The following AK3 variants were observed in gnomAD, a reference collection of about 807,000 sequenced individuals.
AK3 encodes the protein GTP:AMP phosphotransferase AK3, mitochondrial.
In AK3, 27 loss-of-function variants were observed where a neutral mutation model predicts 23.7. That is an observed-to-expected ratio of 1.14 (90% CI 0.84 to 1.57). The LOEUF is 1.57. Among genes scored for constraint, AK3 ranks in the 40% most tolerant of loss-of-function variants. The pLI, the probability that AK3 is intolerant of heterozygous loss-of-function variation, is 0.00. For missense variants in AK3, 406 were observed against 285.6 expected, an observed-to-expected ratio of 1.42 and a Z score of -3.04; for synonymous variants, 159 against 116.0, an observed-to-expected ratio of 1.37 and a Z score of -2.38.
intron 1 of AK3, among the ~76,000 whole-genome samples, chr9:4,730,513 G>A (rs1237983516): frequency 3.3e-5 from 5 of 152,144 alleles, no homozygotes; most frequent in African/African-American, 1.2e-4. Context: ...TGAGGTGGGA[G>A]GATTGCTTGA....
At chr9:4,728,918 CATAT>C (rs1209335535) in intron 1 of AK3, among the ~76,000 whole-genome samples, 2 of 143,994 alleles carry the variant, frequency 1.4e-5, no homozygotes, top group Non-Finnish European at 3.0e-5. Flanking sequence ...TATATACATA[CATAT>C]AAATATATAC....
intron 1 of AK3, among the ~76,000 whole-genome samples, chr9:4,729,640 C>T (rs1427942041): frequency 3.3e-5 from 5 of 151,960 alleles, no homozygotes; most frequent in Non-Finnish European, 7.4e-5. Context: ...TCCTGACCAG[C>T]CTGGGCAACA....
At chr9:4,736,270 C>A (rs1457336215) in intron 1 of AK3, among the ~76,000 whole-genome samples, 2 of 151,854 alleles carry the variant, frequency 1.3e-5, no homozygotes, top group Non-Finnish European at 2.9e-5. Flanking sequence ...ATGGGGCACT[C>A]CATATGCAAA....
chr9:4,720,703 T>G lies in AK3; in HGVS notation c.272-1396A>C, dbSNP rs1587642905. ...GACACTGTCTCCAAAAAAAAAAAAGTGACAAAGGTTAAAACCGCACATGCA... is the reference window on the plus strand; with the variant it reads ...GACACTGTCTCCAAAAAAAAAAAAGGGACAAAGGTTAAAACCGCACATGCA... On this transcript the variant is annotated intron_variant, in intron 2 of 4. Transcript: ENST00000381809. Among the ~76,000 whole-genome samples the G allele has an allele frequency of 7.7e-5, 9 of 117,052 alleles. No homozygotes were observed. The South Asian group carries it at 1.1e-3, about 14-fold the overall frequency. 76.8% of individuals were successfully genotyped at this position (117,052 alleles called of 152,430 possible). A position where few individuals can be genotyped will look rare whatever the true frequency, so the allele number is the denominator to read the frequency against.
At chr9:4,717,486 T>C (rs1018744153) in intron 4 of AK3, among the ~76,000 whole-genome samples, 53 of 152,294 alleles carry the variant, frequency 3.5e-4, no homozygotes, top group African/African-American at 1.3e-3. Flanking sequence ...CACCATAGCA[T>C]CCTGTATTGG....
At chr9:4,717,877 A>C (rs1587639070) in intron 4 of AK3, among the ~76,000 whole-genome samples, 1 of 152,224 alleles carries the variant, frequency 6.6e-6, no homozygotes, top group South Asian at 2.1e-4. Context: ...AAATTGCGGA[A>C]CATCTGCACA....
chr9:4,741,513 C>A (rs1182228474), upstream of AK3, among the ~76,000 whole-genome samples: 1 of 151,934 alleles, frequency 6.6e-6, no homozygotes, highest in Non-Finnish European at 1.5e-5. Flanking sequence ...CGCGCCTCTC[C>A]GCGACCCCGG....
At chr9:4,713,931 C>CACGCCTACACATAT (rs1563780849) in intron 4 of AK3, among the ~76,000 whole-genome samples, 1 of 122,516 alleles carries the variant, frequency 8.2e-6, no homozygotes. Context: ...TCCACATATA[C>CACGCCTACACATAT]ACACCTCCAC....
Position 4,710,257 on chromosome 9 carries a change from G to A in AK3, c.*2719C>T. 6.6e-6 allele frequency: 1 copy of A among 152,370 alleles called. No individual in the cohort carries two copies. The highest frequency in any genetic ancestry group is 1.5e-5 in the Non-Finnish European group (1 of 68,156). The allele number at this position is 152,370 out of a possible 1,614,324, so 9.4% of individuals were successfully genotyped here. On this transcript the variant is annotated 3_prime_UTR_variant, in exon 5 of 5. Coordinates refer to ENST00000381809, the MANE Select transcript of AK3 (RefSeq NM_016282.4). ...GAGTCTCCCTCTGTCGCCCAGGCTG[G>A]AGTGCAGTGGCACGATCTCAGCTCA...
In AK3 at chr9:4,729,015, A is replaced by ATATATATATATATT. The variant is rs71326127; in HGVS notation, c.152-6391_152-6390insAATATATATATATA. 3.1e-4 allele frequency among the ~76,000 whole-genome samples: 40 copies of ATATATATATATATT among 129,432 alleles called. No homozygotes were observed. In the East Asian group the frequency reaches 4.1e-3, roughly 13 times the overall value. 84.9% of individuals were successfully genotyped at this position (129,432 alleles called of 152,430 possible). A position where few individuals can be genotyped will look rare whatever the true frequency, so the allele number is the denominator to read the frequency against. ...CACACACACATATATATATATATAT[A>ATATATATATATATT]TTTTTTTTTTTTGAGACGGAATTTT... On this transcript the variant is annotated intron_variant, in intron 1 of 4. Coordinates refer to ENST00000381809, the MANE Select transcript of AK3 (RefSeq NM_016282.4).
chr9:4,734,323 C>G (rs1842220749), intron 1 of AK3, among the ~76,000 whole-genome samples: 1 of 39,072 alleles, frequency 2.6e-5, no homozygotes. Context: ...AGAAAATAAG[C>G]CCCCTAGTGT....
rs1487338430 is a variant in AK3 at position 4,719,324 on chromosome 9, A to G, written c.272-17T>C. ...TTGGAAAACCTTTATAAAGTAAAAA[A>G]GAAAAAGAAGAAGAAAAAAGAAAGG... On this transcript the variant is annotated splice_polypyrimidine_tract_variant and intron_variant, in intron 2 of 4. Coordinates refer to ENST00000381809, the MANE Select transcript of AK3 (RefSeq NM_016282.4). The G allele has an allele frequency of 1.3e-6, 2 of 1,553,962 alleles. No homozygotes were observed. The highest frequency in any genetic ancestry group is 1.8e-6 in the Non-Finnish European group (2 of 1,142,298).
At chr9:4,723,536 T>C (rs573484031) in intron 1 of AK3, among the ~76,000 whole-genome samples, 31 of 152,332 alleles carry the variant, frequency 2.0e-4, no homozygotes, top group African/African-American at 7.0e-4. Context: ...GTCACTCTTA[T>C]GCAATAGTAT....
At chr9:4,727,113 A>C (rs7862134) in intron 1 of AK3, among the ~76,000 whole-genome samples, 43,257 of 152,062 alleles carry the variant, frequency 0.28, 7,455 homozygotes, top group Non-Finnish European at 0.36. Flanking sequence ...TTGTCATTCC[A>C]TTTACAGAGC....
At position 4,722,124 on chromosome 9, in the gene AK3, T is replaced by C. The variant is rs115535633; in HGVS notation, c.271+382A>G. ...AAACAAATCTCTTTTGTGTCCTCTCTATATTAACAAAACTAAAAATCAACC... is the reference window on the plus strand; with the variant it reads ...AAACAAATCTCTTTTGTGTCCTCTCCATATTAACAAAACTAAAAATCAACC... On this transcript the variant is annotated intron_variant, in intron 2 of 4. Transcript: ENST00000381809. 7.8e-3 allele frequency among the ~76,000 whole-genome samples: 1,182 copies of C among 152,326 alleles called. 20 individuals are homozygous for C. The highest frequency in any genetic ancestry group is 0.028 in the African/African-American group (1,144 of 41,562).
At chr9:4,718,391 A>C (rs199583074) in intron 4 of AK3, 28 bp downstream of exon 4, 75 of 1,534,802 alleles carry the variant, frequency 4.9e-5, no homozygotes, top group Non-Finnish European at 9.0e-7. Context: ...CCACTACGCA[A>C]GAGAAGTTCT....
At chr9:4,719,871 G>T (rs1841846683) in intron 2 of AK3, among the ~76,000 whole-genome samples, 1 of 152,130 alleles carries the variant, frequency 6.6e-6, no homozygotes, top group Admixed American at 6.6e-5. Flanking sequence ...TTCAAGACCA[G>T]CCTAGCCAAC....
At chr9:4,726,431 GT>G (rs1479542627) in intron 1 of AK3, among the ~76,000 whole-genome samples, 2 of 152,054 alleles carry the variant, frequency 1.3e-5, no homozygotes, top group Non-Finnish European at 2.9e-5. Context: ...TAAATCCCTC[GT>G]TGCCAGTTGA....
intron 1 of AK3, among the ~76,000 whole-genome samples, chr9:4,726,256 A>C (rs1842021496): frequency 6.6e-6 from 1 of 152,150 alleles, no homozygotes; most frequent in Non-Finnish European, 1.5e-5. Context: ...AAATAAGACA[A>C]CAGTAAAGTC....
Sources: gnomAD v4.1 joint callset for allele counts (sites outside exome capture counted in the v4.1 genomes callset) on GRCh38, gnomAD v4.1.1 for gene constraint, MANE v1.5 for transcripts, NCBI Gene and HGNC (gene_info 2026-07-23, HGNC 2026-07-21) for gene names.